Variants in RPS6KA6 observed in about 807,000 individuals in gnomAD.
RPS6KA6 encodes the protein ribosomal protein S6 kinase alpha-6.
In RPS6KA6, 27 loss-of-function variants were observed where a neutral mutation model predicts 65.4. The ratio of observed to expected loss-of-function variants is 0.41; its 90% CI spans 0.30 to 0.57. The LOEUF is 0.57. Ranked by LOEUF, RPS6KA6 falls within the 20% of genes least tolerant of loss-of-function variation. The pLI is 0.24. For synonymous variants in RPS6KA6, 190 were observed against 184.2 expected (o/e 1.03, Z -0.26); for missense variants, 486 against 555.6 (o/e 0.87, Z 1.26).
At chrX:84,108,964 T>C (rs975385587) in intron 12 of RPS6KA6, among the ~76,000 whole-genome samples, 1 of 112,150 alleles carries the variant, frequency 8.9e-6, no homozygotes, top group Admixed American at 9.4e-5. Flanking sequence ...CTTACATGTA[T>C]ATACTGGCCA....
chrX:84,112,593 AG>A (rs2034488554), intron 12 of RPS6KA6, among the ~76,000 whole-genome samples: 1 of 112,095 alleles, frequency 8.9e-6, no homozygotes, highest in African/African-American at 3.2e-5. Flanking sequence ...AACAAAATCA[AG>A]GCAGGAATAA....
rs769290555 is a variant in RPS6KA6 at position 84,117,118 on chromosome X, A to G, written c.891T>C (p.Ser297=). Residue 297 remains serine (S), a synonymous_variant, in exon 11 of 22, where the codon AGT becomes AGC. Transcript: ENST00000262752. ...KAKLGMPQFL[S]AEAQSLLRML... Reference sequence around the variant, plus strand: ...TCCTTAGAAGACTTTGTGCTTCAGCACTAAGAAATTGAGGCATTCCAAGTT... The same window carrying G: ...TCCTTAGAAGACTTTGTGCTTCAGCGCTAAGAAATTGAGGCATTCCAAGTT... The G allele has an allele frequency of 3.3e-6, 4 of 1,197,148 alleles. No homozygotes were observed. In the East Asian group the frequency reaches 1.2e-4, roughly 36 times the overall value.
chrX:84,093,186 G>A (rs1035220757), intron 20 of RPS6KA6, among the ~76,000 whole-genome samples: 1 of 111,714 alleles, frequency 9.0e-6, no homozygotes, highest in South Asian at 3.8e-4. Flanking sequence ...GGGGAGTGGT[G>A]GGTGAGGAGA....
intron 1 of RPS6KA6, among the ~76,000 whole-genome samples, chrX:84,164,836 C>T (rs2035573037): frequency 9.0e-6 from 1 of 111,302 alleles, no homozygotes; most frequent in African/African-American, 3.3e-5. Flanking sequence ...TCATGACATA[C>T]TATACAGAAG....
intron 8 of RPS6KA6, among the ~76,000 whole-genome samples, chrX:84,122,361 GTTTTTTTT>G (rs35459607): frequency 2.3e-5 from 1 of 43,009 alleles, no homozygotes; most frequent in Non-Finnish European, 4.1e-5. Context: ...TTTTTTTTAA[GTTTTTTTT>G]TTTTTTTTTT....
intron 9 of RPS6KA6, among the ~76,000 whole-genome samples, chrX:84,118,594 T>C (rs751817559): frequency 3.6e-5 from 4 of 111,734 alleles, no homozygotes; most frequent in Non-Finnish European, 7.5e-5. Context: ...AGCTGTCCTC[T>C]TCAGCTATCT....
chrX:84,062,902 T>C lies in RPS6KA6; in HGVS notation c.*1375A>G, dbSNP rs749320385. ...TGTGATATCCTCCAGTTTACATTCA[T>C]GAATTCTTTCTGTCAGTAGTAGTAG... On this transcript the variant is annotated 3_prime_UTR_variant, in exon 22 of 22. Transcript: ENST00000262752. The C allele has an allele frequency of 9.1e-6, 1 of 109,347 alleles. No homozygotes were observed. The highest frequency in any genetic ancestry group is 3.9e-4 in the South Asian group (1 of 2,582). The allele number at this position is 109,347 out of a possible 1,213,427, so 9.0% of individuals were successfully genotyped here.
At chrX:84,183,238 T>C (rs1238442580) in intron 1 of RPS6KA6, among the ~76,000 whole-genome samples, 1 of 111,573 alleles carries the variant, frequency 9.0e-6, no homozygotes, top group Non-Finnish European at 1.9e-5. Flanking sequence ...GCTTCTAATC[T>C]CAATTGTTTG....
At position 84,064,250 on chromosome X, in the gene RPS6KA6, C is replaced by T. The variant is rs749976070; in HGVS notation, c.*27G>A. On this transcript the variant is annotated 3_prime_UTR_variant, in exon 22 of 22. Coordinates refer to ENST00000262752, the MANE Select transcript of RPS6KA6 (RefSeq NM_014496.5). ...CCACACATTTAATTTCATCTTCATCCAGTTTGGCCTAGGAACACCACAAAT... is the reference window on the plus strand; with the variant it reads ...CCACACATTTAATTTCATCTTCATCTAGTTTGGCCTAGGAACACCACAAAT... 2.6e-5 allele frequency: 31 copies of T among 1,192,868 alleles called. No individual in the cohort carries two copies. The highest frequency in any genetic ancestry group is 3.3e-5 in the Non-Finnish European group (29 of 887,312).
At chrX:84,184,279 A>C (rs1346094392) in intron 1 of RPS6KA6, among the ~76,000 whole-genome samples, 2 of 112,619 alleles carry the variant, frequency 1.8e-5, no homozygotes, top group Non-Finnish European at 3.8e-5. Context: ...GGCTGCGGCT[A>C]AGGCCATGGT....
intron 21 of RPS6KA6, 47 bp from the exon 22 acceptor site, chrX:84,064,449 T>TA (rs35061036): frequency 0.071 from 60,059 of 841,792 alleles, 8 homozygotes; most frequent in Non-Finnish European, 0.074. Flanking sequence ...ATTCTGGAGT[T>TA]AAAAAAAAAA....
At chrX:84,090,781 A>G (rs1402696140) in intron 20 of RPS6KA6, among the ~76,000 whole-genome samples, 2 of 111,740 alleles carry the variant, frequency 1.8e-5, no homozygotes, top group Non-Finnish European at 3.8e-5. Context: ...ACAATTCAAG[A>G]TGAGATTTTG....
intron 2 of RPS6KA6, among the ~76,000 whole-genome samples, 159 bp downstream of exon 2, chrX:84,164,169 G>C (rs1366478770): frequency 1.8e-5 from 2 of 112,090 alleles, no homozygotes; most frequent in African/African-American, 6.5e-5. Context: ...AGGAAAACCT[G>C]TCCTATATTT....
In RPS6KA6 at chrX:84,173,801, C is replaced by T. The variant is rs773165455; in HGVS notation, c.82-9414G>A. 4.5e-5 allele frequency among the ~76,000 whole-genome samples: 5 copies of T among 111,739 alleles called. No individual in the cohort carries two copies. In the East Asian group the frequency reaches 1.4e-3, roughly 32 times the overall value. On this transcript the variant is annotated intron_variant, in intron 1 of 21. Coordinates refer to ENST00000262752, the MANE Select transcript of RPS6KA6 (RefSeq NM_014496.5). ...CCAGCTTCCCAAAGCACAGGGATTA[C>T]AGTCATGAGCCACAGTGCCCAGCCC...
chrX:84,127,058 AAAAC>A lies in RPS6KA6; in HGVS notation c.647-7035_647-7032del, dbSNP rs746983259. On this transcript the variant is annotated intron_variant, in intron 8 of 21. Transcript: ENST00000262752. The stretch of plus-strand genomic sequence containing the variant: ...ATGAAATAAAAACTTGCTTTTTGAA[AAAAC>A]AAACAAAATTGATAAACCATTAGCC... 7.2e-5 allele frequency among the ~76,000 whole-genome samples: 8 copies of A among 111,687 alleles called. No individual in the cohort carries two copies. The East Asian group carries it at 8.4e-4, about 12-fold the overall frequency.
chrX:84,164,622 T>G (rs1454025078), intron 1 of RPS6KA6, among the ~76,000 whole-genome samples: 1 of 111,656 alleles, frequency 9.0e-6, no homozygotes. Context: ...TTCATATTGT[T>G]TAGAGTTTTG....
intron 2 of RPS6KA6, among the ~76,000 whole-genome samples, chrX:84,163,892 C>T (rs1352678099): frequency 1.8e-5 from 2 of 111,213 alleles, no homozygotes; most frequent in Admixed American, 1.9e-4. Flanking sequence ...ACACATAATC[C>T]TTTCTAAAAG....
chrX:84,172,991 G>A (rs1041814767), intron 1 of RPS6KA6, among the ~76,000 whole-genome samples: 2 of 110,778 alleles, frequency 1.8e-5, no homozygotes, highest in African/African-American at 6.6e-5. Context: ...TTTGTGTAAC[G>A]TGTAAGGAGT....
chrX:84,162,554 G>A (rs1248388566), intron 2 of RPS6KA6, among the ~76,000 whole-genome samples: 1 of 111,479 alleles, frequency 9.0e-6, no homozygotes, highest in South Asian at 3.8e-4. Flanking sequence ...TATTTTTACT[G>A]CCTTTCCACT....
Sources: allele counts gnomAD v4.1 joint callset (sites outside exome capture counted in the v4.1 genomes callset), GRCh38; gene constraint gnomAD v4.1.1; transcripts MANE v1.5; gene names NCBI Gene and HGNC (gene_info 2026-07-23, HGNC 2026-07-21).